The following KCNIP4 variants were observed in gnomAD, a reference collection of about 807,000 sequenced individuals.
KCNIP4 encodes potassium voltage-gated channel interacting protein 4.
Under a neutral mutation model 34.0 loss-of-function variants are expected in KCNIP4, and 12 were observed. The observed-to-expected ratio is 0.35, with a 90% CI of 0.23 to 0.57. The LOEUF (loss-of-function observed/expected upper bound fraction) is 0.57, where lower values mean the gene tolerates loss of function less well. KCNIP4 is among the 20% of genes least tolerant of loss of function. KCNIP4 has a pLI of 0.83. For missense variants in KCNIP4, 238 were observed against 311.7 expected (o/e 0.76, Z 1.78); for synonymous variants, 124 against 102.2 (o/e 1.21, Z -1.29).
At chr4:21,034,223 T>G (rs76233202) in intron 1 of KCNIP4, among the ~76,000 whole-genome samples, 1 of 152,164 alleles carries the variant, frequency 6.6e-6, no homozygotes, top group African/African-American at 2.4e-5. Context: ...CCCTAAACCC[T>G]AGAATTCTAG....
intron 1 of KCNIP4, among the ~76,000 whole-genome samples, chr4:21,249,263 G>C (rs1229879764): frequency 2.6e-5 from 4 of 151,986 alleles, no homozygotes; most frequent in Admixed American, 2.0e-4. Context: ...TCAAAAACAG[G>C]CTTGGGTAAC....
At chr4:21,078,943 C>G (rs1676769960) in intron 1 of KCNIP4, among the ~76,000 whole-genome samples, 1 of 152,108 alleles carries the variant, frequency 6.6e-6, no homozygotes, top group African/African-American at 2.4e-5. Flanking sequence ...GGGCTGTCCT[C>G]TTTCACTCCA....
At chr4:21,299,994 A>G (rs928032003) in intron 1 of KCNIP4, among the ~76,000 whole-genome samples, 1 of 152,104 alleles carries the variant, frequency 6.6e-6, no homozygotes, top group African/African-American at 2.4e-5. Flanking sequence ...TTACCAGTTG[A>G]TTTCTTTTTG....
At chr4:21,882,723 A>G (rs557538731) in intron 1 of KCNIP4, among the ~76,000 whole-genome samples, 52 of 152,200 alleles carry the variant, frequency 3.4e-4, no homozygotes, top group African/African-American at 1.2e-3. Flanking sequence ...AGTTTGAACT[A>G]GTGTGGACTT....
At chr4:21,453,771 C>T (rs1259297858) in intron 1 of KCNIP4, among the ~76,000 whole-genome samples, 1 of 152,062 alleles carries the variant, frequency 6.6e-6, no homozygotes, top group South Asian at 2.1e-4. Context: ...CTTAAATTGC[C>T]AGATGAACGC....
chr4:21,724,428 T>G (rs2109100313), intron 1 of KCNIP4, among the ~76,000 whole-genome samples: 1 of 152,252 alleles, frequency 6.6e-6, no homozygotes, highest in Non-Finnish European at 1.5e-5. Flanking sequence ...ACATTCAACA[T>G]GTATGAACTA....
chr4:21,643,968 T>C (rs888859974), intron 1 of KCNIP4, among the ~76,000 whole-genome samples: 3 of 152,114 alleles, frequency 2.0e-5, no homozygotes, highest in East Asian at 1.9e-4. Context: ...CCCTAATTAA[T>C]GTATCCCCAA....
At chr4:21,926,790 A>G (rs1413117527) in intron 1 of KCNIP4, among the ~76,000 whole-genome samples, 1 of 152,188 alleles carries the variant, frequency 6.6e-6, no homozygotes. Flanking sequence ...TAAGAAAAGC[A>G]TATCCATTAT....
At chr4:20,788,789 G>A (rs1712340815) in intron 3 of KCNIP4, among the ~76,000 whole-genome samples, 1 of 152,114 alleles carries the variant, frequency 6.6e-6, no homozygotes, top group Non-Finnish European at 1.5e-5. Context: ...GGTGAATTCA[G>A]AGCAAACAAA....
At chr4:21,331,293 G>C (rs77040047) in intron 1 of KCNIP4, among the ~76,000 whole-genome samples, 1 of 151,862 alleles carries the variant, frequency 6.6e-6, no homozygotes, top group Admixed American at 6.6e-5. Context: ...CCCTCAAGAT[G>C]CTTTTTAAAA....
intron 1 of KCNIP4, among the ~76,000 whole-genome samples, chr4:21,609,224 A>G (rs1283350078): frequency 6.6e-6 from 1 of 152,226 alleles, no homozygotes; most frequent in African/African-American, 2.4e-5. Context: ...TGAGAAAAAT[A>G]AATTTTGAAT....
intron 1 of KCNIP4, among the ~76,000 whole-genome samples, chr4:21,011,299 A>G (rs1739045853): frequency 6.6e-6 from 1 of 152,204 alleles, no homozygotes; most frequent in Non-Finnish European, 1.5e-5. Context: ...GACTGACTCA[A>G]GATTTCATAC....
At chr4:21,695,483 T>C (rs1712211976) in intron 1 of KCNIP4, among the ~76,000 whole-genome samples, 1 of 151,966 alleles carries the variant, frequency 6.6e-6, no homozygotes. Flanking sequence ...CCACTTACAG[T>C]GATTTCCAAA....
intron 1 of KCNIP4, among the ~76,000 whole-genome samples, chr4:20,894,053 G>A (rs1386479322): frequency 6.6e-6 from 1 of 151,800 alleles, no homozygotes; most frequent in East Asian, 2.0e-4. Flanking sequence ...ACTAATTTTT[G>A]TATTTTTGGT....
At chr4:21,142,990 C>T (rs923409047) in intron 1 of KCNIP4, among the ~76,000 whole-genome samples, 1 of 151,800 alleles carries the variant, frequency 6.6e-6, no homozygotes, top group African/African-American at 2.4e-5. Flanking sequence ...TTTCTTTATA[C>T]CTGCAAGAAA....
chr4:21,149,790 G>A (rs570753200), intron 1 of KCNIP4, among the ~76,000 whole-genome samples: 1 of 151,972 alleles, frequency 6.6e-6, no homozygotes, highest in Non-Finnish European at 1.5e-5. Flanking sequence ...AAATGAACAG[G>A]GATCTATGGT....
intron 3 of KCNIP4, among the ~76,000 whole-genome samples, chr4:20,810,724 A>G (rs1378550774): frequency 6.6e-6 from 1 of 152,218 alleles, no homozygotes; most frequent in African/African-American, 2.4e-5. Flanking sequence ...ACCAGCCATG[A>G]GAATAAGATG....
intron 1 of KCNIP4, among the ~76,000 whole-genome samples, chr4:21,181,989 T>C (rs1754876269): frequency 6.6e-6 from 1 of 152,148 alleles, no homozygotes; most frequent in Admixed American, 6.5e-5. Flanking sequence ...CTTTCAGCAC[T>C]GTTGGAATGC....
intron 1 of KCNIP4, chr4:21,845,969 C>G (rs1169721084): frequency 6.6e-6 from 1 of 151,654 alleles, no homozygotes; most frequent in Admixed American, 6.6e-5. Flanking sequence ...TACGTGATTG[C>G]CTCTGTTTTT....
Sources: allele counts gnomAD v4.1 joint callset (sites outside exome capture counted in the v4.1 genomes callset), GRCh38; gene constraint gnomAD v4.1.1; transcripts MANE v1.5; gene names NCBI Gene and HGNC (gene_info 2026-07-23, HGNC 2026-07-21).